MDGA1: variants seen among roughly 807,000 people sequenced by gnomAD.
MDGA1 encodes the protein MAM domain containing glycosylphosphatidylinositol anchor 1.
A neutral mutation model predicts 101.5 loss-of-function variants in MDGA1; 54 were observed. The ratio of observed to expected loss-of-function variants is 0.53; its 90% CI spans 0.43 to 0.67. MDGA1 has a LOEUF of 0.67. Among genes scored for constraint, MDGA1 ranks in the 30% least tolerant of loss-of-function variants. The pLI is 0.00. For missense variants in MDGA1, 1,083 were observed against 1,323.8 expected (o/e 0.82, Z 2.82); for synonymous variants, 533 against 558.3 (o/e 0.95, Z 0.64).
Position 37,655,178 on chromosome 6 carries a change from G to A in MDGA1, c.580-246C>T. ...TCTGAGGTTGCCCTTGTGCACACTG[G>A]CAAGTACCAGGCCTTGGTTTCTCCA... is the stretch of plus-strand genomic sequence containing the variant. On this transcript the variant is annotated intron_variant, in intron 4 of 16. Coordinates refer to ENST00000434837, the MANE Select transcript of MDGA1 (RefSeq NM_153487.4). This position sits in a 1 kb window ranked among gnomAD's most constrained non-coding sequence, Gnocchi z 5.1. The A allele has an allele frequency of 1.8e-6, 1 of 553,430 alleles. No individual in the cohort carries two copies. Among genetic ancestry groups the A allele is most frequent in the Non-Finnish European group, 3.2e-6 (1 of 312,450 alleles). The allele number at this position is 553,430 out of a possible 1,614,324, so 34.3% of individuals were successfully genotyped here.
intron 1 of MDGA1, among the ~76,000 whole-genome samples, chr6:37,687,287 G>A (rs562117511): frequency 5.3e-4 from 81 of 151,990 alleles, no homozygotes; most frequent in Non-Finnish European, 1.0e-3. Flanking sequence ...CAGGCATGGT[G>A]GCTCACAACT....
rs145339627 is a variant in MDGA1, at chr6:37,686,673, C to T, written c.67+10072G>A. Among the ~76,000 whole-genome samples, 1,128 of 152,172 alleles carry T rather than the reference C, an allele frequency of 7.4e-3. 8 individuals are homozygous for T. The highest frequency in any genetic ancestry group is 0.025 in the African/African-American group (1,053 of 41,494). On this transcript the variant is annotated intron_variant, in intron 1 of 16. Transcript: ENST00000434837. The stretch of plus-strand genomic sequence containing the variant: ...AACTCCTGACCTCAGGAGATCCACC[C>T]GCCTTGGCCTCCCAAAGTGTTGGGA...
chr6:37,642,849 G>A (rs747919060), intron 14 of MDGA1, among the ~76,000 whole-genome samples: 9 of 152,118 alleles, frequency 5.9e-5, no homozygotes, highest in Non-Finnish European at 7.4e-5. Flanking sequence ...TGGGGAACTC[G>A]TCCACCTCGT....
At chr6:37,645,620 TG>T (rs1457744854) in intron 12 of MDGA1, among the ~76,000 whole-genome samples, 2 of 152,194 alleles carry the variant, frequency 1.3e-5, no homozygotes, top group Non-Finnish European at 2.9e-5. Flanking sequence ...TGGAGGTCCA[TG>T]GGTCACAGAC....
chr6:37,678,729 T>C (rs1762032523), intron 1 of MDGA1, among the ~76,000 whole-genome samples: 2 of 128,854 alleles, frequency 1.6e-5, no homozygotes, highest in Admixed American at 9.7e-5. Flanking sequence ...CTCCAGAGCC[T>C]GCTCCATCCC....
chr6:37,649,792 C>T, intron 8 of MDGA1: 1 of 566,166 alleles, frequency 1.8e-6, no homozygotes, highest in South Asian at 1.7e-5. Context: ...TTTTCATCAT[C>T]CTGTTATCAG....
At position 37,652,549 on chromosome 6, in the gene MDGA1, T is replaced by C. The variant is rs1476000237; in HGVS notation, c.983-209A>G. Among the ~76,000 whole-genome samples the C allele has an allele frequency of 6.6e-6, 1 of 152,230 alleles. No individual in the cohort carries two copies. The highest frequency in any genetic ancestry group is 1.5e-5 in the Non-Finnish European group (1 of 68,032). On this transcript the variant is annotated intron_variant, in intron 6 of 16. Transcript: ENST00000434837. This position sits in a 1 kb window ranked among gnomAD's most constrained non-coding sequence, Gnocchi z 4.3. ...GCTTTAAAAGTTCAAAAAAGGTCAC[T>C]GCAGAAAAGCAGTTTTGGTAATAAC...
chr6:37,691,977 A>T (rs1762316424), intron 1 of MDGA1, among the ~76,000 whole-genome samples: 1 of 152,186 alleles, frequency 6.6e-6, no homozygotes. Flanking sequence ...GATTCATCTG[A>T]GATTACAGCA....
At chr6:37,645,870 C>T in intron 12 of MDGA1, 63 bp downstream of exon 12, 6 of 1,578,720 alleles carry the variant, frequency 3.8e-6, no homozygotes, top group Admixed American at 1.7e-5. Context: ...TCCTTTCTCT[C>T]ACCAGGAGAG....
Position 37,654,492 on chromosome 6 carries a change from C to T in MDGA1, c.764G>A (p.Gly255Glu). Residue 255 changes from glycine to glutamate, a missense_variant, in exon 6 of 17, where the codon GGG becomes GAG. By Grantham distance (98) the Gly-to-Glu change is moderately conservative. Around this residue, in one of 3 missense-constraint regions of MDGA1, gnomAD observed 310 missense variants for 355.9 expected, o/e 0.87. Coordinates refer to ENST00000434837, the MANE Select transcript of MDGA1 (RefSeq NM_153487.4). ...SVNETLVVNP[G>E]ENVTVQCLLT... Reference sequence around the variant, plus strand: ...CAGACACTGCACCGTCACATTCTCCCCAGGGTTCACCACCAGAGTTTCGTT... The same window carrying T: ...CAGACACTGCACCGTCACATTCTCCTCAGGGTTCACCACCAGAGTTTCGTT... The T allele has an allele frequency of 6.2e-7, 1 of 1,614,016 alleles. No homozygotes were observed. The highest frequency in any genetic ancestry group is 8.5e-7 in the Non-Finnish European group (1 of 1,179,898).
At chr6:37,648,639 A>G in intron 9 of MDGA1, 1 of 365,900 alleles carries the variant, frequency 2.7e-6, no homozygotes, top group Non-Finnish European at 4.9e-6. Context: ...TCACACGCCC[A>G]GGAAGCGGGC....
chr6:37,674,786 C>T (rs747232583), intron 1 of MDGA1, among the ~76,000 whole-genome samples: 4 of 152,220 alleles, frequency 2.6e-5, no homozygotes, highest in African/African-American at 9.6e-5. Context: ...CTGGGCACGG[C>T]GGCTCACACC....
chr6:37,642,156 T>TATATATATATAC (rs1185294112), intron 14 of MDGA1, among the ~76,000 whole-genome samples: 1 of 145,210 alleles, frequency 6.9e-6, no homozygotes, highest in African/African-American at 2.5e-5. Flanking sequence ...TGTATATATA[T>TATATATATATAC]ATATATATGT....
At chr6:37,692,676 A>C (rs1762338043) in intron 1 of MDGA1, among the ~76,000 whole-genome samples, 2 of 146,980 alleles carry the variant, frequency 1.4e-5, no homozygotes, top group African/African-American at 2.5e-5. Flanking sequence ...TACAGATTCC[A>C]CCCCCCTTCC....
intron 2 of MDGA1, among the ~76,000 whole-genome samples, chr6:37,662,777 A>G (rs1208213215): frequency 6.6e-6 from 1 of 152,192 alleles, no homozygotes; most frequent in Non-Finnish European, 1.5e-5. Flanking sequence ...CCACGTACAC[A>G]TACACACAGC....
At position 37,638,136 on chromosome 6, in the gene MDGA1, C is replaced by T. The variant is rs1250838260; in HGVS notation, c.2776+69G>A. 3 of 1,330,526 alleles carry T rather than the reference C, an allele frequency of 2.3e-6. No homozygotes were observed. The highest frequency in any genetic ancestry group is 1.8e-4 in the Middle Eastern group (1 of 5,572). 82.4% of individuals were successfully genotyped at this position (1,330,526 alleles called of 1,614,324 possible). On this transcript the variant is annotated intron_variant, in intron 16 of 16. Transcript: ENST00000434837. The surrounding 1 kb of genome is among the most constrained non-coding windows in gnomAD (Gnocchi z 4.8). ...TTCAGACCCAAACACCCTCCCTCAA[C>T]AGACAGGAACCCCCGCCACGCACAG...
chr6:37,649,246 T>C lies in MDGA1; in HGVS notation c.1630A>G (p.Ser544Gly). The change falls in exon 9 of 17, where the codon AGT becomes GGT. Residue 544 changes from serine to glycine, a missense_variant. Physicochemically the swap from Ser to Gly is moderately conservative, Grantham distance 56. This residue lies in a region of MDGA1 where 657 missense variants were observed against 771.4 expected (regional missense o/e 0.85). Transcript: ENST00000434837. The part of the protein sequence containing the change: ...NVQFPPEVEP[S>G]SQDVRQALGR... ...AGCGCCTGGCGCACGTCCTGGGAACTGGGCTCCACCTCCGGCGGGACTGGG... is the reference window on the plus strand; with the variant it reads ...AGCGCCTGGCGCACGTCCTGGGAACCGGGCTCCACCTCCGGCGGGACTGGG... 1 of 1,505,772 alleles carries C rather than the reference T, an allele frequency of 6.6e-7. No individual in the cohort carries two copies. Among genetic ancestry groups the C allele is most frequent in the Non-Finnish European group, 8.8e-7 (1 of 1,135,434 alleles). 93.3% of individuals were successfully genotyped at this position (1,505,772 alleles called of 1,614,324 possible). A position where few individuals can be genotyped will look rare whatever the true frequency, so the allele number is the denominator to read the frequency against.
chr6:37,673,304 G>A (rs558908798), intron 1 of MDGA1, among the ~76,000 whole-genome samples: 6 of 152,278 alleles, frequency 3.9e-5, no homozygotes, highest in Admixed American at 6.5e-5. Flanking sequence ...CTCCCTCGCC[G>A]TGACACCTCT....
chr6:37,659,211 C>CAGCT (rs1248021317), intron 2 of MDGA1, among the ~76,000 whole-genome samples: 1 of 152,186 alleles, frequency 6.6e-6, no homozygotes, highest in Non-Finnish European at 1.5e-5. Flanking sequence ...CACAGCCAGC[C>CAGCT]AGCTAAGCTG....
Sources: gnomAD v4.1 joint callset for allele counts (sites outside exome capture counted in the v4.1 genomes callset) on GRCh38, gnomAD v4.1.1 for gene constraint, gnomAD v4.1.1 regional missense constraint, Gnocchi (gnomAD v3.1) non-coding constraint, MANE v1.5 for transcripts, NCBI Gene and HGNC (gene_info 2026-07-23, HGNC 2026-07-21) for gene names.